Variants in PPP2R5C observed in about 807,000 individuals in gnomAD.
PPP2R5C encodes the protein protein phosphatase 2 regulatory subunit B'gamma.
In PPP2R5C, 7 loss-of-function variants were observed where a neutral mutation model predicts 68.9. The ratio of observed to expected loss-of-function variants is 0.10; its 90% CI spans 0.06 to 0.19. The LOEUF is 0.19. Ranked by LOEUF, PPP2R5C falls within the 10% of genes least tolerant of loss-of-function variation. The probability of loss-of-function intolerance (pLI) is 1.00; values close to 1 mark genes in which losing one functional copy is unlikely to be tolerated. For missense variants in PPP2R5C, 348 were observed against 641.3 expected (o/e 0.54, Z 4.94); for synonymous variants, 210 against 222.2 (o/e 0.95, Z 0.49).
rs527296790 is a variant in PPP2R5C, at chr14:101,892,349, T to A, written c.690-651T>A. On this transcript the variant is annotated intron_variant, in intron 6 of 13. Transcript: ENST00000334743. ...CCTGAATTACTCCAGGCAGCAAGAATGCCTACCAGATGGATAAGGCTGAGG... is the reference window on the plus strand; with the variant it reads ...CCTGAATTACTCCAGGCAGCAAGAAAGCCTACCAGATGGATAAGGCTGAGG... Among the ~76,000 whole-genome samples the A allele has an allele frequency of 2.7e-3, 366 of 133,456 alleles. 1 individual carries two copies. The highest frequency in any genetic ancestry group is 3.5e-3 in the Non-Finnish European group (224 of 64,092). 87.6% of individuals were successfully genotyped at this position (133,456 alleles called of 152,430 possible). A position where few individuals can be genotyped will look rare whatever the true frequency, so the allele number is the denominator to read the frequency against.
chr14:101,801,188 C>T (rs1042640372), intron 3 of PPP2R5C, among the ~76,000 whole-genome samples: 1 of 152,128 alleles, frequency 6.6e-6, no homozygotes, highest in East Asian at 1.9e-4. Flanking sequence ...TTATATATTT[C>T]AAAGTAGCTG....
Position 101,917,975 on chromosome 14 carries a change from A to G in PPP2R5C, c.1443+28A>G. On this transcript the variant is annotated intron_variant, in intron 13 of 13. Transcript: ENST00000334743. This position sits in a 1 kb window ranked among gnomAD's most constrained non-coding sequence, Gnocchi z 4.4. ...AAAAGTGCACCGAGCTCAGCTGGGC[A>G]CCCATGACTGATTTGCTTAAGAAAT... 2 of 1,613,328 alleles carry G rather than the reference A, an allele frequency of 1.2e-6. No individual in the cohort carries two copies. The highest frequency in any genetic ancestry group is 1.7e-6 in the Non-Finnish European group (2 of 1,179,502).
intron 2 of PPP2R5C, among the ~76,000 whole-genome samples, chr14:101,780,733 T>G (rs2037637811): frequency 6.6e-6 from 1 of 152,262 alleles, no homozygotes; most frequent in Non-Finnish European, 1.5e-5. Context: ...AAAATACTTC[T>G]TAAGTGGCAT....
intron 8 of PPP2R5C, among the ~76,000 whole-genome samples, 153 bp downstream of exon 10, chr14:101,894,713 G>C (rs1385803902): frequency 6.6e-6 from 1 of 152,104 alleles, no homozygotes; most frequent in African/African-American, 2.4e-5. Context: ...ATGGGTTATA[G>C]GTTTTCAAAG....
chr14:101,811,243 A>C (rs1431821562), intron 1 of PPP2R5C, among the ~76,000 whole-genome samples: 1 of 152,220 alleles, frequency 6.6e-6, no homozygotes, highest in Non-Finnish European at 1.5e-5. Context: ...CACCCAGTAA[A>C]AAGCAAAGGT....
At position 101,856,661 on chromosome 14, in the gene PPP2R5C, ATATACTT is replaced by A. The variant is rs774833111; in HGVS notation, c.95-23_95-17del. 17 of 1,598,480 alleles carry A rather than the reference ATATACTT, an allele frequency of 1.1e-5. No individual in the cohort carries two copies. The highest frequency in any genetic ancestry group is 1.4e-5 in the Non-Finnish European group (16 of 1,166,008). Reference sequence around the variant, plus strand: ...TTTGGGTTAAGCACTTTTGTGATCAATATACTTTGCTTTCTGCTTTTCAGATGTTCCT... The same window carrying A: ...TTTGGGTTAAGCACTTTTGTGATCAATGCTTTCTGCTTTTCAGATGTTCCT... On this transcript the variant is annotated intron_variant, in intron 1 of 13. Coordinates refer to ENST00000334743, the Ensembl canonical transcript of PPP2R5C.
chr14:101,927,886 C>T (rs1397807783), exon 14 of PPP2R5C: 1 of 152,218 alleles, frequency 6.6e-6, no homozygotes, highest in Non-Finnish European at 1.5e-5. Context: ...AAACTTCATA[C>T]ACTTGCCATT....
intron 1 of PPP2R5C, among the ~76,000 whole-genome samples, chr14:101,837,100 G>C (rs1244710074): frequency 1.3e-5 from 2 of 152,166 alleles, no homozygotes; most frequent in African/African-American, 4.8e-5. Flanking sequence ...TTGATGGCTG[G>C]AAAACAAATG....
chr14:101,797,291 A>C lies in PPP2R5C; in HGVS notation c.259+11108A>C, dbSNP rs984136878. ...ATCCTTCAGTGATGTGTGGACGGAC[A>C]CATTCCGCGTATCCCCCAATCAGTG... On this transcript the variant is annotated intron_variant, in intron 3 of 14. Transcript: ENST00000328724. This position sits in a 1 kb window ranked among gnomAD's most constrained non-coding sequence, Gnocchi z 4.2. The C allele has an allele frequency of 1.5e-5, 7 of 455,982 alleles. No individual in the cohort carries two copies. The highest frequency in any genetic ancestry group is 2.6e-5 in the Non-Finnish European group (6 of 226,802). The allele number at this position is 455,982 out of a possible 1,614,324, so 28.2% of individuals were successfully genotyped here. A position where few individuals can be genotyped will look rare whatever the true frequency, so the allele number is the denominator to read the frequency against.
chr14:101,830,047 G>A (rs1168929634), intron 1 of PPP2R5C, among the ~76,000 whole-genome samples: 1 of 152,122 alleles, frequency 6.6e-6, no homozygotes, highest in Non-Finnish European at 1.5e-5. Context: ...AGATTAGGAC[G>A]TGAATGGTAT....
chr14:101,862,075 G>A (rs1727785350), intron 2 of PPP2R5C, among the ~76,000 whole-genome samples: 1 of 152,104 alleles, frequency 6.6e-6, no homozygotes, highest in Admixed American at 6.6e-5. Context: ...ACCATACCCA[G>A]CTGATTTTTT....
intron 1 of PPP2R5C, among the ~76,000 whole-genome samples, chr14:101,810,522 C>T (rs1566857406): frequency 6.6e-6 from 1 of 152,198 alleles, no homozygotes; most frequent in Non-Finnish European, 1.5e-5. Flanking sequence ...TGGAAAAGAA[C>T]TTCCTTTAAA....
At chr14:101,912,974 C>G (rs2046474753) in intron 12 of PPP2R5C, among the ~76,000 whole-genome samples, 1 of 152,250 alleles carries the variant, frequency 6.6e-6, no homozygotes, top group African/African-American at 2.4e-5. Flanking sequence ...GCAGCCAACC[C>G]TCCTTCCCAC....
intron 2 of PPP2R5C, among the ~76,000 whole-genome samples, chr14:101,875,296 C>T (rs1595441339): frequency 6.6e-6 from 1 of 152,086 alleles, no homozygotes; most frequent in African/African-American, 2.4e-5. Flanking sequence ...CATTGTGTGC[C>T]AGGGCCAGCA....
chr14:101,845,990 C>T (rs956429640), intron 1 of PPP2R5C, among the ~76,000 whole-genome samples: 1 of 152,146 alleles, frequency 6.6e-6, no homozygotes, highest in African/African-American at 2.4e-5. Context: ...TCATTTTGCC[C>T]GAAATCCACC....
At chr14:101,802,948 AT>A (rs1201167615) in intron 3 of PPP2R5C, among the ~76,000 whole-genome samples, 3 of 135,868 alleles carry the variant, frequency 2.2e-5, no homozygotes, top group African/African-American at 8.3e-5. Context: ...GATGGCTACT[AT>A]TTAAAAAAAA....
Position 101,906,714 on chromosome 14 carries a change from CT to C in PPP2R5C, c.1151+187del. 1 of 725,028 alleles carries C rather than the reference CT, an allele frequency of 1.4e-6. No homozygotes were observed. 44.9% of individuals were successfully genotyped at this position (725,028 alleles called of 1,614,324 possible). On this transcript the variant is annotated intron_variant, in intron 10 of 13. Transcript: ENST00000334743. The surrounding 1 kb of genome is among the most constrained non-coding windows in gnomAD (Gnocchi z 4.0). ...TTTCTGTGGCCGTTGAATTTACCAC[CT>C]TATACCTTCATTCCTGCCAGTATAG...
rs547522592 is a variant in PPP2R5C at position 101,776,960 on chromosome 14, A to G, written c.94-9058A>G. On this transcript the variant is annotated intron_variant, in intron 2 of 14. Transcript: ENST00000328724. ...CAATGGCGTGATCTCGGCTCACTGC[A>G]ACCTCCACCTCCCGGGTTCAAGCAA... Among the ~76,000 whole-genome samples the G allele has an allele frequency of 5.5e-5, 8 of 145,912 alleles. No homozygotes were observed. In the East Asian group the frequency reaches 1.6e-3, roughly 29 times the overall value.
rs1327774614 is a variant in PPP2R5C at position 101,877,708 on chromosome 14, CCT to C, written c.295-4450_295-4449del. On this transcript the variant is annotated intron_variant, in intron 2 of 13. Coordinates refer to ENST00000334743, the Ensembl canonical transcript of PPP2R5C. This position sits in a 1 kb window ranked among gnomAD's most constrained non-coding sequence, Gnocchi z 4.2. ...GAATTTGAGGTGATAGACCGTTGGC[CCT>C]CTGTTCCTTCCCCCCGCCCCAGTAT... Among the ~76,000 whole-genome samples the C allele has an allele frequency of 1.3e-5, 2 of 152,120 alleles. No individual in the cohort carries two copies. Among genetic ancestry groups the C allele is most frequent in the South Asian group, 2.1e-4 (1 of 4,826 alleles).
Sources: gnomAD v4.1 joint callset for allele counts (sites outside exome capture counted in the v4.1 genomes callset) on GRCh38, gnomAD v4.1.1 for gene constraint, Gnocchi (gnomAD v3.1) non-coding constraint, MANE v1.5 for transcripts, NCBI Gene and HGNC (gene_info 2026-07-23, HGNC 2026-07-21) for gene names.